Variants in CACNA2D1 observed in about 807,000 individuals in gnomAD.
The protein encoded by CACNA2D1 is voltage-dependent calcium channel subunit alpha-2/delta-1.
A neutral mutation model predicts 171.5 loss-of-function variants in CACNA2D1; 53 were observed. The ratio of observed to expected loss-of-function variants is 0.31; its 90% CI spans 0.25 to 0.39. CACNA2D1 has a LOEUF of 0.39. Ranked by LOEUF, CACNA2D1 falls within the 10% of genes least tolerant of loss-of-function variation. The pLI is 1.00. For missense variants in CACNA2D1, 903 were observed against 1,299.8 expected, an observed-to-expected ratio of 0.69 and a Z score of 4.69; for synonymous variants, 442 against 443.1, an observed-to-expected ratio of 1.00 and a Z score of 0.03.
intron 10 of CACNA2D1, among the ~76,000 whole-genome samples, chr7:82,053,847 A>G (rs1020691987): frequency 2.0e-5 from 3 of 152,162 alleles, no homozygotes; most frequent in African/African-American, 4.8e-5. Context: ...AGTTTTTCCT[A>G]CGAGTAATAT....
chr7:81,972,751 C>A (rs528865826), intron 25 of CACNA2D1, among the ~76,000 whole-genome samples: 1 of 151,820 alleles, frequency 6.6e-6, no homozygotes, highest in African/African-American at 2.4e-5. Context: ...TGCACATTTA[C>A]GACAAAATTT....
intron 21 of CACNA2D1, among the ~76,000 whole-genome samples, chr7:81,990,069 C>T (rs527842871): frequency 1.3e-5 from 2 of 151,904 alleles, no homozygotes; most frequent in South Asian, 4.2e-4. Context: ...GAGTCAGTGA[C>T]TAAGGTAGGG....
chr7:82,361,761 T>A (rs1015881819), intron 1 of CACNA2D1, among the ~76,000 whole-genome samples: 16 of 152,296 alleles, frequency 1.1e-4, no homozygotes, highest in African/African-American at 3.4e-4. Flanking sequence ...AAGGCTTTTT[T>A]AAACATTTTT....
chr7:81,980,784 T>A (rs1796363731), intron 24 of CACNA2D1, among the ~76,000 whole-genome samples: 1 of 152,056 alleles, frequency 6.6e-6, no homozygotes, highest in African/African-American at 2.4e-5. Context: ...ACGACAGAAC[T>A]GGCAAGACTG....
At position 81,950,259 on chromosome 7, in the gene CACNA2D1, T is replaced by C. The variant is rs1792366254; in HGVS notation, c.*133A>G. The C allele has an allele frequency of 6.5e-7, 1 of 1,546,458 alleles. No individual in the cohort carries two copies. The highest frequency in any genetic ancestry group is 1.4e-5 in the African/African-American group (1 of 73,696). On this transcript the variant is annotated 3_prime_UTR_variant, in exon 39 of 39. Transcript: ENST00000356860. ...GGTGCCTTAGGAGTCTGCGCCTTAG[T>C]GTTATGCCATGGAACAGGCCCAGCT...
chr7:82,202,401 C>G (rs944038060), intron 3 of CACNA2D1, among the ~76,000 whole-genome samples: 3 of 152,128 alleles, frequency 2.0e-5, no homozygotes, highest in African/African-American at 7.2e-5. Flanking sequence ...CTTTGGTCCC[C>G]ACTGATTCTG....
chr7:82,067,580 C>G (rs1228900254), intron 7 of CACNA2D1, among the ~76,000 whole-genome samples: 1 of 152,112 alleles, frequency 6.6e-6, no homozygotes, highest in Non-Finnish European at 1.5e-5. Context: ...AATGACTAAT[C>G]ATATTTACAA....
At chr7:82,217,120 T>C (rs1801194450) in intron 3 of CACNA2D1, among the ~76,000 whole-genome samples, 1 of 151,864 alleles carries the variant, frequency 6.6e-6, no homozygotes, top group Non-Finnish European at 1.5e-5. Context: ...ATTAGTATCA[T>C]CTTTCTGACT....
At chr7:82,386,771 T>TAAAGAAATAAAG (rs1168832422) in intron 1 of CACNA2D1, among the ~76,000 whole-genome samples, 2 of 146,668 alleles carry the variant, frequency 1.4e-5, no homozygotes, top group African/African-American at 5.3e-5. Flanking sequence ...AATAAATAAA[T>TAAAGAAATAAAG]AAATAAATAA....
intron 4 of CACNA2D1, among the ~76,000 whole-genome samples, chr7:82,165,496 A>G (rs1318137341): frequency 6.6e-6 from 1 of 152,044 alleles, no homozygotes. Flanking sequence ...TAAAAAACAA[A>G]AGAGATAGGT....
At chr7:82,352,106 C>G (rs1289200907) in intron 1 of CACNA2D1, among the ~76,000 whole-genome samples, 1 of 152,178 alleles carries the variant, frequency 6.6e-6, no homozygotes, top group Admixed American at 6.5e-5. Context: ...CCTGTTTTGG[C>G]TGAAAAGCAA....
intron 3 of CACNA2D1, among the ~76,000 whole-genome samples, chr7:82,291,980 C>T (rs1811695587): frequency 1.3e-5 from 2 of 151,354 alleles, no homozygotes; most frequent in South Asian, 4.1e-4. Flanking sequence ...TACAAACACA[C>T]ACATACATAC....
intron 4 of CACNA2D1, among the ~76,000 whole-genome samples, chr7:82,145,444 A>G (rs1305998745): frequency 7.5e-6 from 1 of 132,724 alleles, no homozygotes; most frequent in Non-Finnish European, 1.6e-5. Context: ...AATTACATGT[A>G]TAATTTTTAT....
intron 3 of CACNA2D1, among the ~76,000 whole-genome samples, chr7:82,254,463 T>C (rs561795247): frequency 9.9e-5 from 15 of 152,182 alleles, no homozygotes; most frequent in Middle Eastern, 3.4e-3. Flanking sequence ...ATTTAATATA[T>C]ATATATTATG....
At chr7:82,030,086 G>C (rs37153) in intron 12 of CACNA2D1, 1 of 151,680 alleles carries the variant, frequency 6.6e-6, no homozygotes, top group Non-Finnish European at 1.5e-5. Context: ...TTATCATGTG[G>C]TTTATCTTGT....
chr7:82,225,675 T>C (rs910711124), intron 3 of CACNA2D1, among the ~76,000 whole-genome samples: 1 of 152,148 alleles, frequency 6.6e-6, no homozygotes, highest in Non-Finnish European at 1.5e-5. Flanking sequence ...GACTTTTCTT[T>C]TTGGGACGAA....
intron 1 of CACNA2D1, among the ~76,000 whole-genome samples, chr7:82,399,681 C>T (rs60813659): frequency 0.078 from 10,981 of 140,992 alleles, 550 homozygotes; most frequent in Middle Eastern, 0.12. Context: ...CATCTCCCTC[C>T]CACTCCCCAC....
chr7:82,443,863 G>A, upstream of CACNA2D1: 1 of 418,360 alleles, frequency 2.4e-6, no homozygotes, highest in Non-Finnish European at 4.0e-6. Flanking sequence ...AGGGGTGACG[G>A]CGCTGGAGGG....
chr7:81,984,593 G>A (rs994520248), intron 22 of CACNA2D1, 42 bp downstream of exon 22: 13 of 1,029,884 alleles, frequency 1.3e-5, no homozygotes, highest in Non-Finnish European at 1.7e-5. Context: ...CTGATACTAG[G>A]AGATAACAAA....
Sources: gnomAD v4.1 joint callset for allele counts (sites outside exome capture counted in the v4.1 genomes callset) on GRCh38, gnomAD v4.1.1 for gene constraint, MANE v1.5 for transcripts, NCBI Gene and HGNC (gene_info 2026-07-23, HGNC 2026-07-21) for gene names.